The following ITGB8 variants were observed in gnomAD, a reference collection of about 807,000 sequenced individuals.
The protein encoded by ITGB8 is integrin beta-8.
In ITGB8, 30 loss-of-function variants were observed where a neutral mutation model predicts 89.5. The ratio of observed to expected loss-of-function variants is 0.34; its 90% CI spans 0.25 to 0.45. The LOEUF is 0.45. Among genes scored for constraint, ITGB8 ranks in the 20% least tolerant of loss-of-function variants. The pLI is 1.00. For missense variants in ITGB8, 836 were observed against 933.3 expected (o/e 0.90, Z 1.36); for synonymous variants, 335 against 320.4 (o/e 1.05, Z -0.49).
rs111782268 is a variant in ITGB8 at position 20,395,134 on chromosome 7, A to G, written c.1146+149A>G. On this transcript the variant is annotated intron_variant, in intron 8 of 13. Coordinates refer to ENST00000222573, the MANE Select transcript of ITGB8 (RefSeq NM_002214.3). Reference sequence around the variant, plus strand: ...GAATCTGAAGTTCATCCCTGGCCCTACCACTAACTAGCTTTTTGCTTTGGG... The same window carrying G: ...GAATCTGAAGTTCATCCCTGGCCCTGCCACTAACTAGCTTTTTGCTTTGGG... 150 of 556,762 alleles carry G rather than the reference A, an allele frequency of 2.7e-4. 2 individuals are homozygous for G. The highest frequency in any genetic ancestry group is 1.8e-3 in the African/African-American group (96 of 53,556). The allele number at this position is 556,762 out of a possible 1,614,324, so 34.5% of individuals were successfully genotyped here.
intron 3 of ITGB8, among the ~76,000 whole-genome samples, chr7:20,367,495 C>G (rs375371899): frequency 1.3e-5 from 2 of 152,160 alleles, no homozygotes; most frequent in East Asian, 3.9e-4. Flanking sequence ...CATGTTTATT[C>G]CACTCTCTTT....
chr7:20,382,461 T>C (rs1290554992), intron 6 of ITGB8, among the ~76,000 whole-genome samples: 1 of 152,228 alleles, frequency 6.6e-6, no homozygotes, highest in African/African-American at 2.4e-5. Context: ...ATATATTTAA[T>C]ATAATCACCT....
chr7:20,392,449 T>C (rs867941332), intron 7 of ITGB8, among the ~76,000 whole-genome samples: 21 of 152,350 alleles, frequency 1.4e-4, no homozygotes, highest in African/African-American at 4.8e-4. Flanking sequence ...AGTTTCCCTA[T>C]TACCTACCTA....
chr7:20,407,653 C>T (rs1787600294), intron 12 of ITGB8, among the ~76,000 whole-genome samples: 1 of 152,176 alleles, frequency 6.6e-6, no homozygotes, highest in Non-Finnish European at 1.5e-5. Context: ...CATGTGCTGC[C>T]AGCTGGAGCT....
At chr7:20,395,676 C>T (rs1787044998) in intron 8 of ITGB8, among the ~76,000 whole-genome samples, 1 of 152,170 alleles carries the variant, frequency 6.6e-6, no homozygotes, top group Admixed American at 6.5e-5. Flanking sequence ...ACTTTTTTAC[C>T]ACTAAGATCC....
chr7:20,339,775 C>G (rs1784692937), intron 1 of ITGB8, among the ~76,000 whole-genome samples: 1 of 152,164 alleles, frequency 6.6e-6, no homozygotes, highest in Non-Finnish European at 1.5e-5. Context: ...CATCTGTAAT[C>G]TCAGCACTTT....
intron 2 of ITGB8, among the ~76,000 whole-genome samples, chr7:20,364,231 T>C (rs1785609611): frequency 6.6e-6 from 1 of 152,206 alleles, no homozygotes. Flanking sequence ...TAGAACTGCC[T>C]GTATCTAGTA....
chr7:20,367,222 T>C lies in ITGB8; in HGVS notation c.388+36T>C, dbSNP rs1269697715. 6.1e-6 allele frequency: 9 copies of C among 1,470,506 alleles called. No individual in the cohort carries two copies. The Admixed American group carries it at 1.5e-4, about 24-fold the overall frequency. The allele number at this position is 1,470,506 out of a possible 1,614,324, so 91.1% of individuals were successfully genotyped here. ...TTTCAAATAAATCTATAATGATTCT[T>C]AACTTGAAATTGCAATTTACTTTAA... On this transcript the variant is annotated intron_variant, in intron 3 of 13. Transcript: ENST00000222573.
chr7:20,401,089 C>A (rs931258843), intron 9 of ITGB8, among the ~76,000 whole-genome samples: 2 of 145,446 alleles, frequency 1.4e-5, no homozygotes, highest in Non-Finnish European at 1.5e-5. Context: ...ATTCTCCTGC[C>A]TCAGCCTCCC....
intron 1 of ITGB8, among the ~76,000 whole-genome samples, chr7:20,352,082 C>T (rs1785133974): frequency 2.0e-5 from 3 of 152,204 alleles, no homozygotes; most frequent in African/African-American, 7.2e-5. Flanking sequence ...TGGAAAATTT[C>T]CAGTGAAAAC....
chr7:20,404,779 G>C lies in ITGB8; in HGVS notation c.1839G>C (p.Glu613Asp), dbSNP rs61733918. The C allele has an allele frequency of 1.8e-3, 2,888 of 1,614,144 alleles. 52 individuals are homozygous for C. In the African/African-American group the frequency reaches 0.034, roughly 19 times the overall value. ...GCACGTGTGTGTGTGGAAGGTGTGA[G>C]TGCACCGATCCCAGGAGCATCGGCC... ...GRGTCVCGRC[E>D]CTDPRSIGRF... The change falls in exon 11 of 14, where the codon GAG (glutamate) becomes GAC (aspartate). Residue 613 changes from glutamate (E) to aspartate (D), a missense_variant. Physicochemically the swap from Glu to Asp is conservative, Grantham distance 45. Around this residue, in one of 5 missense-constraint regions of ITGB8, gnomAD observed 422 missense variants for 416.9 expected, o/e 1.01. Transcript: ENST00000222573.
At chr7:20,394,357 A>G (rs564370011) in intron 7 of ITGB8, among the ~76,000 whole-genome samples, 1 of 152,346 alleles carries the variant, frequency 6.6e-6, no homozygotes, top group South Asian at 2.1e-4. Context: ...AGCAGCATGC[A>G]TCAAGAACAC....
intron 1 of ITGB8, among the ~76,000 whole-genome samples, chr7:20,361,416 A>G (rs540412191): frequency 1.3e-5 from 2 of 152,314 alleles, no homozygotes; most frequent in East Asian, 3.9e-4. Flanking sequence ...ACAGCTCTGG[A>G]GGCTGGGGAG....
intron 9 of ITGB8, 36 bp from the exon 10 acceptor site, chr7:20,401,685 T>C (rs1257085574): frequency 8.1e-7 from 1 of 1,233,542 alleles, no homozygotes; most frequent in East Asian, 2.4e-5. Context: ...ATAATTAAGG[T>C]ATATAAATAT....
intron 3 of ITGB8, among the ~76,000 whole-genome samples, chr7:20,371,776 A>C (rs934429722): frequency 6.6e-6 from 1 of 152,320 alleles, no homozygotes; most frequent in East Asian, 1.9e-4. Context: ...CCGCATATTT[A>C]TTTAGCATGC....
chr7:20,354,773 T>C (rs1785233724), intron 1 of ITGB8, among the ~76,000 whole-genome samples: 1 of 152,168 alleles, frequency 6.6e-6, no homozygotes, highest in Admixed American at 6.5e-5. Flanking sequence ...AGAAGCCCCA[T>C]TCAGAAACTT....
At chr7:20,401,166 A>C (rs996468353) in intron 9 of ITGB8, among the ~76,000 whole-genome samples, 7 of 151,988 alleles carry the variant, frequency 4.6e-5, no homozygotes. Flanking sequence ...TTTAGTAGAG[A>C]TAGGGTTTCA....
chr7:20,362,873 G>A (rs1785557143), intron 1 of ITGB8, among the ~76,000 whole-genome samples: 1 of 152,118 alleles, frequency 6.6e-6, no homozygotes, highest in Non-Finnish European at 1.5e-5. Context: ...GCAGTTAGTG[G>A]ATGGAGGGAT....
intron 6 of ITGB8, among the ~76,000 whole-genome samples, chr7:20,384,693 G>A (rs1786532789): frequency 6.6e-6 from 1 of 152,208 alleles, no homozygotes; most frequent in African/African-American, 2.4e-5. Context: ...GCCACAGTCT[G>A]TCGACTGAAA....
Sources: gnomAD v4.1 joint callset for allele counts (sites outside exome capture counted in the v4.1 genomes callset) on GRCh38, gnomAD v4.1.1 for gene constraint, gnomAD v4.1.1 regional missense constraint, MANE v1.5 for transcripts, NCBI Gene and HGNC (gene_info 2026-07-23, HGNC 2026-07-21) for gene names.